Variants in FAM107B observed in about 807,000 individuals in gnomAD.
FAM107B encodes protein FAM107B.
In FAM107B, 21 loss-of-function variants were observed where a neutral mutation model predicts 31.5. That is an observed-to-expected ratio of 0.67 (90% CI 0.47 to 0.96). FAM107B has a LOEUF of 0.96. Among genes scored for constraint, FAM107B ranks in the 40% least tolerant of loss-of-function variants. FAM107B has a pLI of 0.00. For synonymous variants in FAM107B, 157 were observed against 141.5 expected, an observed-to-expected ratio of 1.11 and a Z score of -0.78; for missense variants, 452 against 377.1, an observed-to-expected ratio of 1.20 and a Z score of -1.64.
At chr10:14,723,547 G>A (rs934124520) in intron 1 of FAM107B, 18 of 643,794 alleles carry the variant, frequency 2.8e-5, no homozygotes, top group African/African-American at 7.1e-5. Flanking sequence ...CAAACCCACT[G>A]TGTGAGCTCC....
At chr10:14,578,257 G>T (rs944967127) in intron 2 of FAM107B, among the ~76,000 whole-genome samples, 10 of 152,102 alleles carry the variant, frequency 6.6e-5, no homozygotes, top group African/African-American at 1.9e-4. Context: ...TCTGTGCCCT[G>T]GATGCTGGAT....
chr10:14,599,541 G>A (rs546394644), intron 2 of FAM107B, among the ~76,000 whole-genome samples: 4 of 152,126 alleles, frequency 2.6e-5, no homozygotes, highest in Non-Finnish European at 4.4e-5. Context: ...GGGGGCTCAC[G>A]TCTATAATCC....
chr10:14,541,844 G>T (rs564146040), intron 2 of FAM107B, among the ~76,000 whole-genome samples: 52 of 152,244 alleles, frequency 3.4e-4, no homozygotes, highest in Middle Eastern at 6.8e-3. Flanking sequence ...GAGAAAGCTG[G>T]AGCTGCCGAC....
intron 2 of FAM107B, among the ~76,000 whole-genome samples, chr10:14,633,532 T>A (rs1853420699): frequency 6.6e-6 from 1 of 152,208 alleles, no homozygotes; most frequent in Non-Finnish European, 1.5e-5. Context: ...TTACATTAAC[T>A]TAATTACATT....
At position 14,530,246 on chromosome 10, in the gene FAM107B, G is replaced by A. The variant is rs982588200; in HGVS notation, c.653+86C>T. 11 of 1,341,966 alleles carry A rather than the reference G, an allele frequency of 8.2e-6. No individual in the cohort carries two copies. The African/African-American group carries it at 1.5e-4, about 18-fold the overall frequency. The allele number at this position is 1,341,966 out of a possible 1,614,324, so 83.1% of individuals were successfully genotyped here. A position where few individuals can be genotyped will look rare whatever the true frequency, so the allele number is the denominator to read the frequency against. ...AAGTGCAAGAAATCAAAGACTCTTT[G>A]AAGCCTCTGTAAATACAATTAAAAT... On this transcript the variant is annotated intron_variant, in intron 3 of 4. Coordinates refer to ENST00000181796, the MANE Select transcript of FAM107B (RefSeq NM_031453.4).
chr10:14,766,674 G>A (rs1170007429), intron 1 of FAM107B, among the ~76,000 whole-genome samples: 1 of 151,816 alleles, frequency 6.6e-6, no homozygotes, highest in Non-Finnish European at 1.5e-5. Context: ...CTCATTTGAT[G>A]ATCAATGAGT....
At chr10:14,538,956 T>C (rs1159301261) in intron 2 of FAM107B, among the ~76,000 whole-genome samples, 1 of 152,182 alleles carries the variant, frequency 6.6e-6, no homozygotes, top group South Asian at 2.1e-4. Context: ...GCTAGTACAC[T>C]TGCATATGCA....
intron 3 of FAM107B, among the ~76,000 whole-genome samples, chr10:14,525,270 C>T (rs149673545): frequency 1.7e-3 from 258 of 152,274 alleles, no homozygotes; most frequent in African/African-American, 5.8e-3. Flanking sequence ...CTAACAAGTA[C>T]TTTCAACCCC....
At chr10:14,691,329 T>C (rs1454626535) in intron 1 of FAM107B, among the ~76,000 whole-genome samples, 3 of 152,086 alleles carry the variant, frequency 2.0e-5, no homozygotes, top group Admixed American at 2.0e-4. Context: ...AGAGTCCATG[T>C]CTCCAAAAGA....
At chr10:14,605,459 G>A (rs559823290) in intron 2 of FAM107B, among the ~76,000 whole-genome samples, 12 of 152,316 alleles carry the variant, frequency 7.9e-5, no homozygotes, top group African/African-American at 2.9e-4. Context: ...ATGACTAAGG[G>A]CTTATTTATG....
At chr10:14,628,812 C>T (rs954230220) in intron 2 of FAM107B, among the ~76,000 whole-genome samples, 32 of 152,084 alleles carry the variant, frequency 2.1e-4, no homozygotes, top group African/African-American at 2.9e-4. Flanking sequence ...GTGGGAGGAT[C>T]GCTTGAGCCT....
intron 2 of FAM107B, among the ~76,000 whole-genome samples, chr10:14,611,699 G>A (rs1482289019): frequency 6.6e-6 from 1 of 151,786 alleles, no homozygotes. Context: ...CTGTAGTCCA[G>A]AAGTGGCACG....
In FAM107B at chr10:14,641,680, A is replaced by G. The variant is rs72768981; in HGVS notation, c.469+25954T>C. Among the ~76,000 whole-genome samples, 1,032 of 152,252 alleles carry G rather than the reference A, an allele frequency of 6.8e-3. 4 individuals carry two copies. Among genetic ancestry groups the G allele is most frequent in the Non-Finnish European group, 0.01 (698 of 68,012 alleles). On this transcript the variant is annotated intron_variant, in intron 2 of 4. Coordinates refer to ENST00000181796, the MANE Select transcript of FAM107B (RefSeq NM_031453.4). ...ACTATTCACATCACCCAACATCATC[A>G]CCTCATCTGAACCTAATTGGGAATC...
intron 1 of FAM107B, among the ~76,000 whole-genome samples, chr10:14,719,431 C>T (rs948978345): frequency 9.2e-5 from 14 of 152,034 alleles, no homozygotes; most frequent in African/African-American, 1.7e-4. Flanking sequence ...TCTTGAGAAT[C>T]GAAATGAAAT....
chr10:14,773,987 C>T (rs1454899316), intron 1 of FAM107B, among the ~76,000 whole-genome samples: 1 of 152,128 alleles, frequency 6.6e-6, no homozygotes, highest in East Asian at 1.9e-4. Flanking sequence ...CCATTTTTGG[C>T]TCTAAGGCAC....
chr10:14,572,761 TAG>T (rs1491268593), intron 2 of FAM107B, among the ~76,000 whole-genome samples: 1 of 76,038 alleles, frequency 1.3e-5, no homozygotes, highest in Non-Finnish European at 2.7e-5. Flanking sequence ...ATATATATAT[TAG>T]AGTGTGTGTG....
At chr10:14,588,773 C>T (rs1204090984) in intron 2 of FAM107B, among the ~76,000 whole-genome samples, 1 of 152,130 alleles carries the variant, frequency 6.6e-6, no homozygotes, top group African/African-American at 2.4e-5. Context: ...AGCTTCAGAG[C>T]TCCCCAGGAT....
intron 1 of FAM107B, among the ~76,000 whole-genome samples, chr10:14,704,269 C>CTGTGTGTG (rs113899632): frequency 0.011 from 1,619 of 148,154 alleles, 15 homozygotes; most frequent in East Asian, 0.027. Context: ...GTAAATTGCT[C>CTGTGTGTG]TGTGTGTGTG....
chr10:14,518,685 T>C lies in FAM107B; in HGVS notation c.*2505A>G, dbSNP rs189196529. 3.0e-3 allele frequency: 451 copies of C among 152,758 alleles called. 5 individuals are homozygous for C. The highest frequency in any genetic ancestry group is 0.026 in the South Asian group (124 of 4,828). 9.5% of individuals were successfully genotyped at this position (152,758 alleles called of 1,614,324 possible). The stretch of plus-strand genomic sequence containing the variant: ...AGCAAATACAAAAAATATTAAATTA[T>C]GAAAACCAATCCATTAAGGCTCCCT... On this transcript the variant is annotated 3_prime_UTR_variant, in exon 5 of 5. Coordinates refer to ENST00000181796, the MANE Select transcript of FAM107B (RefSeq NM_031453.4).
Sources: allele counts gnomAD v4.1 joint callset (sites outside exome capture counted in the v4.1 genomes callset), GRCh38; gene constraint gnomAD v4.1.1; transcripts MANE v1.5; gene names NCBI Gene and HGNC (gene_info 2026-07-23, HGNC 2026-07-21).